Variants in ITGBL1 observed in about 807,000 individuals in gnomAD.
ITGBL1 encodes integrin beta-like protein 1.
ITGBL1 carries 51 observed loss-of-function variants against 68.5 expected under a neutral mutation model. That is an observed-to-expected ratio of 0.74 (90% CI 0.59 to 0.94). The LOEUF (loss-of-function observed/expected upper bound fraction) is 0.94. Among genes scored for constraint, ITGBL1 ranks in the 40% least tolerant of loss-of-function variants. The pLI is 0.00. For missense variants in ITGBL1, 649 were observed against 647.4 expected, an observed-to-expected ratio of 1.00 and a Z score of -0.03; for synonymous variants, 209 against 227.3, an observed-to-expected ratio of 0.92 and a Z score of 0.72.
chr13:101,558,116 A>G (rs975809138), intron 2 of ITGBL1, among the ~76,000 whole-genome samples: 8 of 135,032 alleles, frequency 5.9e-5, no homozygotes, highest in African/African-American at 2.0e-4. Context: ...AAAAAAAAAA[A>G]GCCTAACGAG....
At chr13:101,646,391 A>G (rs1245026353) in intron 7 of ITGBL1, among the ~76,000 whole-genome samples, 4 of 152,230 alleles carry the variant, frequency 2.6e-5, no homozygotes, top group African/African-American at 9.6e-5. Context: ...CGAATGGTCA[A>G]AGAACCTTAA....
At chr13:101,639,113 C>T (rs2032277742) in intron 7 of ITGBL1, among the ~76,000 whole-genome samples, 1 of 150,806 alleles carries the variant, frequency 6.6e-6, no homozygotes, top group Non-Finnish European at 1.5e-5. Context: ...TCTAGGAGCC[C>T]ACATCTACAC....
intron 7 of ITGBL1, among the ~76,000 whole-genome samples, chr13:101,602,315 G>A (rs1004386366): frequency 1.3e-5 from 2 of 151,958 alleles, no homozygotes; most frequent in African/African-American, 4.8e-5. Context: ...TGTGTTCTTG[G>A]TATCAGATCA....
intron 7 of ITGBL1, among the ~76,000 whole-genome samples, chr13:101,680,280 G>A (rs1490901212): frequency 1.3e-5 from 2 of 152,150 alleles, no homozygotes; most frequent in East Asian, 3.9e-4. Flanking sequence ...GTGCAATCAG[G>A]TTGCTATGGC....
At chr13:101,558,080 T>A (rs1357387705) in intron 2 of ITGBL1, among the ~76,000 whole-genome samples, 1 of 52,764 alleles carries the variant, frequency 1.9e-5, no homozygotes, top group African/African-American at 1.0e-4. Flanking sequence ...CAAAACTCCG[T>A]CTCAAAAAAA....
intron 7 of ITGBL1, among the ~76,000 whole-genome samples, chr13:101,682,176 A>C (rs2033658780): frequency 6.6e-6 from 1 of 152,166 alleles, no homozygotes; most frequent in Non-Finnish European, 1.5e-5. Flanking sequence ...ACTACACTCC[A>C]GCAATTAATC....
intron 7 of ITGBL1, among the ~76,000 whole-genome samples, chr13:101,641,223 G>A (rs995987578): frequency 2.6e-5 from 4 of 152,166 alleles, no homozygotes; most frequent in Middle Eastern, 3.2e-3. Context: ...TGTGCAGTGA[G>A]GGAATGATGA....
chr13:101,509,574 A>T (rs907459150), intron 2 of ITGBL1, among the ~76,000 whole-genome samples: 1 of 152,130 alleles, frequency 6.6e-6, no homozygotes, highest in African/African-American at 2.4e-5. Context: ...ATATTAACCG[A>T]TATTCAATAT....
chr13:101,637,423 A>C (rs1328742137), intron 7 of ITGBL1, among the ~76,000 whole-genome samples: 1 of 148,940 alleles, frequency 6.7e-6, no homozygotes, highest in East Asian at 2.0e-4. Context: ...GGCTCACTGC[A>C]ACCACCGCCT....
intron 7 of ITGBL1, among the ~76,000 whole-genome samples, chr13:101,639,131 T>G (rs867149484): frequency 4.6e-5 from 7 of 152,174 alleles, no homozygotes; most frequent in African/African-American, 1.7e-4. Flanking sequence ...CACATCAACC[T>G]TTCCTACCTG....
chr13:101,692,574 A>G lies in ITGBL1; in HGVS notation c.1016-11A>G. The G allele has an allele frequency of 1.3e-6, 2 of 1,588,234 alleles. No homozygotes were observed. The highest frequency in any genetic ancestry group is 1.1e-5 in the South Asian group (1 of 90,562). ...CTCCTCATAAGTGTGCACTTTCTTT[A>G]TACTTTCCAGGTAAATGTGAATGTG... On this transcript the variant is annotated splice_polypyrimidine_tract_variant and intron_variant, in intron 7 of 10. Coordinates refer to ENST00000376180, the MANE Select transcript of ITGBL1 (RefSeq NM_004791.3).
chr13:101,668,185 C>T (rs1277268641), intron 7 of ITGBL1, among the ~76,000 whole-genome samples: 3 of 152,120 alleles, frequency 2.0e-5, no homozygotes, highest in Non-Finnish European at 4.4e-5. Context: ...GTCAAGAGTT[C>T]GAGACCAGCC....
chr13:101,540,434 C>T (rs2049673590), intron 2 of ITGBL1, among the ~76,000 whole-genome samples: 1 of 152,110 alleles, frequency 6.6e-6, no homozygotes, highest in Non-Finnish European at 1.5e-5. Context: ...GTACCAGTAC[C>T]ATGCTGTTTT....
At chr13:101,643,975 C>T (rs1340373709) in intron 7 of ITGBL1, among the ~76,000 whole-genome samples, 1 of 152,138 alleles carries the variant, frequency 6.6e-6, no homozygotes, top group Admixed American at 6.6e-5. Context: ...AGCTCCATTT[C>T]AAACTTAGAG....
At chr13:101,598,095 A>G (rs2030094732) in intron 6 of ITGBL1, 58 bp from the exon 7 acceptor site, 4 of 1,367,536 alleles carry the variant, frequency 2.9e-6, no homozygotes, top group Non-Finnish European at 3.0e-6. Context: ...AATGAAAACT[A>G]ATTCCAACTT....
chr13:101,464,001 C>T (rs187744762), intron 2 of ITGBL1, among the ~76,000 whole-genome samples: 120 of 151,562 alleles, frequency 7.9e-4, no homozygotes, highest in African/African-American at 2.7e-3. Flanking sequence ...CTCCACCCCC[C>T]GGATTCAAAC....
chr13:101,483,390 T>C (rs963954989), intron 2 of ITGBL1, among the ~76,000 whole-genome samples: 7 of 152,218 alleles, frequency 4.6e-5, no homozygotes, highest in African/African-American at 9.6e-5. Flanking sequence ...TAGAATATCA[T>C]TGACAATGTG....
chr13:101,561,793 T>C lies in ITGBL1; in HGVS notation c.317-5906T>C, dbSNP rs1027153139. On this transcript the variant is annotated intron_variant, in intron 2 of 10. Coordinates refer to ENST00000376180, the MANE Select transcript of ITGBL1 (RefSeq NM_004791.3). ...CAATTAAGGATTTTTATGAGGCTAT[T>C]CATTACAGCAGACCTACCCTAAATA... Among the ~76,000 whole-genome samples, 4 of 152,198 alleles carry C rather than the reference T, an allele frequency of 2.6e-5. No homozygotes were observed. The East Asian group carries it at 7.7e-4, about 29-fold the overall frequency.
chr13:101,697,036 T>A lies in ITGBL1; in HGVS notation c.1132+4335T>A, dbSNP rs568019763. ...TTAGATATTGAAGGAAAATATCGATTTCATTTTTTTTTTTTACATCAAGAG... is the reference window on the plus strand; with the variant it reads ...TTAGATATTGAAGGAAAATATCGATATCATTTTTTTTTTTTACATCAAGAG... On this transcript the variant is annotated intron_variant, in intron 8 of 10. Coordinates refer to ENST00000376180, the MANE Select transcript of ITGBL1 (RefSeq NM_004791.3). Among the ~76,000 whole-genome samples the A allele has an allele frequency of 6.4e-4, 85 of 132,444 alleles. 1 individual carries two copies. The South Asian group carries it at 0.024, about 37-fold the overall frequency. 86.9% of individuals were successfully genotyped at this position (132,444 alleles called of 152,430 possible). A position where few individuals can be genotyped will look rare whatever the true frequency, so the allele number is the denominator to read the frequency against.
Sources: gnomAD v4.1 joint callset for allele counts (sites outside exome capture counted in the v4.1 genomes callset) on GRCh38, gnomAD v4.1.1 for gene constraint, MANE v1.5 for transcripts, NCBI Gene and HGNC (gene_info 2026-07-23, HGNC 2026-07-21) for gene names.